HDAC9: variants seen among roughly 807,000 people sequenced by gnomAD.
HDAC9 encodes histone deacetylase 9.
In HDAC9, 41 loss-of-function variants were observed where a neutral mutation model predicts 139.4. The ratio of observed to expected loss-of-function variants is 0.29; its 90% CI spans 0.23 to 0.38. HDAC9 has a LOEUF of 0.38. Among genes scored for constraint, HDAC9 ranks in the 10% least tolerant of loss-of-function variants. HDAC9 has a pLI of 1.00. For missense variants in HDAC9, 1,147 were observed against 1,297.0 expected (o/e 0.88, Z 1.78); for synonymous variants, 517 against 476.2 (o/e 1.09, Z -1.12).
intron 1 of HDAC9, among the ~76,000 whole-genome samples, chr7:18,388,155 T>C (rs1786112778): frequency 6.6e-6 from 1 of 152,230 alleles, no homozygotes. Flanking sequence ...GTAAATGTTA[T>C]GACTAAAAAA....
chr7:18,186,844 G>T (rs1414975081), intron 2 of HDAC9, among the ~76,000 whole-genome samples: 1 of 152,166 alleles, frequency 6.6e-6, no homozygotes. Flanking sequence ...GTTAATAAAA[G>T]CAGATTTTTA....
chr7:18,154,898 G>A (rs1199310240), intron 1 of HDAC9, among the ~76,000 whole-genome samples: 3 of 152,166 alleles, frequency 2.0e-5, no homozygotes, highest in African/African-American at 7.2e-5. Flanking sequence ...TTTTCAACAT[G>A]CTTGGTCGGC....
At chr7:18,562,126 A>G (rs1727360091) in intron 2 of HDAC9, among the ~76,000 whole-genome samples, 1 of 152,136 alleles carries the variant, frequency 6.6e-6, no homozygotes, top group Non-Finnish European at 1.5e-5. Context: ...CTATTTGTAT[A>G]TCTTCTCTGG....
intron 2 of HDAC9, among the ~76,000 whole-genome samples, chr7:18,559,559 A>G (rs1053211806): frequency 1.3e-5 from 2 of 152,130 alleles, no homozygotes; most frequent in African/African-American, 4.8e-5. Flanking sequence ...CTCTCTCAAG[A>G]CATTCCCCAT....
intron 1 of HDAC9, among the ~76,000 whole-genome samples, chr7:18,339,917 G>A (rs1400770204): frequency 2.0e-5 from 3 of 151,458 alleles, no homozygotes; most frequent in Non-Finnish European, 4.4e-5. Context: ...TATGTTGATA[G>A]TGGTATTTAA....
intron 2 of HDAC9, among the ~76,000 whole-genome samples, chr7:18,535,894 G>A (rs965675263): frequency 3.3e-5 from 5 of 152,136 alleles, no homozygotes; most frequent in African/African-American, 1.2e-4. Context: ...CAATAAAGAG[G>A]AAGAGAGGGG....
intron 9 of HDAC9, among the ~76,000 whole-genome samples, chr7:18,645,122 CAGA>C (rs1786963585): frequency 6.6e-6 from 1 of 152,086 alleles, no homozygotes; most frequent in Non-Finnish European, 1.5e-5. Flanking sequence ...CACGTTTTTA[CAGA>C]AGGAGAAGCT....
chr7:18,224,545 CGT>C (rs1792922070), intron 2 of HDAC9, among the ~76,000 whole-genome samples: 1 of 152,080 alleles, frequency 6.6e-6, no homozygotes, highest in Non-Finnish European at 1.5e-5. Flanking sequence ...TGCCACCCAG[CGT>C]GGGTGCTTGT....
chr7:18,289,527 C>G (rs1797674537), upstream of HDAC9, among the ~76,000 whole-genome samples: 3 of 152,092 alleles, frequency 2.0e-5, no homozygotes, highest in African/African-American at 7.2e-5. Context: ...ATTTTCCTAG[C>G]CAATCAAAAG....
intron 1 of HDAC9, among the ~76,000 whole-genome samples, chr7:18,316,244 A>G (rs1192828446): frequency 6.6e-6 from 1 of 152,168 alleles, no homozygotes; most frequent in African/African-American, 2.4e-5. Flanking sequence ...TTGAGTCACA[A>G]GGTCCTGCAC....
chr7:18,532,947 T>G (rs1809521797), intron 2 of HDAC9, among the ~76,000 whole-genome samples: 2 of 152,196 alleles, frequency 1.3e-5, no homozygotes, highest in African/African-American at 4.8e-5. Context: ...TGTACCCATA[T>G]GTGTTCACCC....
At chr7:18,953,234 G>C (rs924746582) in intron 23 of HDAC9, among the ~76,000 whole-genome samples, 2 of 152,012 alleles carry the variant, frequency 1.3e-5, no homozygotes, top group Non-Finnish European at 2.9e-5. Context: ...ATGTTTCTAG[G>C]AAAACTACTT....
chr7:18,966,484 T>G (rs1783857952), intron 24 of HDAC9, among the ~76,000 whole-genome samples: 1 of 152,054 alleles, frequency 6.6e-6, no homozygotes, highest in Non-Finnish European at 1.5e-5. Flanking sequence ...AGGCAGATCA[T>G]GAGGTCAGGA....
At chr7:18,841,280 CAATT>C (rs897720831) in intron 21 of HDAC9, among the ~76,000 whole-genome samples, 3 of 151,796 alleles carry the variant, frequency 2.0e-5, no homozygotes, top group Non-Finnish European at 2.9e-5. Context: ...TTGGTAATGA[CAATT>C]AAGTAAATAC....
chr7:18,988,771 G>C (rs1785602501), intron 25 of HDAC9, among the ~76,000 whole-genome samples: 1 of 151,710 alleles, frequency 6.6e-6, no homozygotes, highest in East Asian at 1.9e-4. Flanking sequence ...TATATATTTA[G>C]GATAGTTAGC....
chr7:18,510,731 C>A (rs1437153797), intron 2 of HDAC9, among the ~76,000 whole-genome samples: 1 of 151,906 alleles, frequency 6.6e-6, no homozygotes, highest in East Asian at 1.9e-4. Flanking sequence ...AGTAAAATGT[C>A]AGAATAAGGA....
rs148945159 is a variant in HDAC9, at chr7:18,534,104, G to A, written c.22+37780G>A. On this transcript the variant is annotated intron_variant, in intron 2 of 25. Coordinates refer to ENST00000686413, the MANE Select transcript of HDAC9 (RefSeq NM_178425.4). ...TCATGTTTGTTTTGATCTCTCCTGC[G>A]TGTTGGGAGCCTTCATATTTAAAAT... 2.7e-3 allele frequency among the ~76,000 whole-genome samples: 406 copies of A among 152,114 alleles called. 2 individuals carry two copies. Among genetic ancestry groups the A allele is most frequent in the African/African-American group, 8.6e-3 (358 of 41,484 alleles).
chr7:18,138,725 G>A (rs1345703812), intron 1 of HDAC9, among the ~76,000 whole-genome samples: 1 of 152,024 alleles, frequency 6.6e-6, no homozygotes, highest in Non-Finnish European at 1.5e-5. Flanking sequence ...AAGAATCTAG[G>A]TTGGCAGGGA....
intron 22 of HDAC9, among the ~76,000 whole-genome samples, chr7:18,928,531 C>T (rs951958357): frequency 1.2e-4 from 18 of 152,160 alleles, no homozygotes; most frequent in African/African-American, 4.3e-4. Flanking sequence ...TTTGATTATA[C>T]ACTAGGCTAT....
Sources: allele counts gnomAD v4.1 joint callset (sites outside exome capture counted in the v4.1 genomes callset), GRCh38; gene constraint gnomAD v4.1.1; transcripts MANE v1.5; gene names NCBI Gene and HGNC (gene_info 2026-07-23, HGNC 2026-07-21).